Variants in ARMH4 observed in about 807,000 individuals in gnomAD.
ARMH4 encodes armadillo-like helical domain-containing protein 4.
Under a neutral mutation model 61.9 loss-of-function variants are expected in ARMH4, and 49 were observed. The ratio of observed to expected loss-of-function variants is 0.79; its 90% CI spans 0.63 to 1.00. ARMH4 has a LOEUF of 1.00. Ranked by LOEUF, ARMH4 falls within the 50% of genes least tolerant of loss-of-function variation. The pLI, the probability that ARMH4 is intolerant of heterozygous loss-of-function variation, is 0.00. For synonymous variants in ARMH4, 368 were observed against 341.5 expected, an observed-to-expected ratio of 1.08 and a Z score of -0.85; for missense variants, 934 against 930.0, an observed-to-expected ratio of 1.00 and a Z score of -0.06.
At chr14:58,147,316 GTTTT>G (rs33969627) in intron 1 of ARMH4, among the ~76,000 whole-genome samples, 3 of 132,522 alleles carry the variant, frequency 2.3e-5, no homozygotes, top group Non-Finnish European at 4.9e-5. Flanking sequence ...AATCCAGATG[GTTTT>G]TTTTTTTTTT....
intron 5 of ARMH4, among the ~76,000 whole-genome samples, chr14:58,094,212 C>T (rs1885670233): frequency 6.6e-6 from 1 of 151,498 alleles, no homozygotes; most frequent in South Asian, 2.1e-4. Context: ...TACCTGTAGT[C>T]CCAGCTGCTC....
At chr14:58,078,544 T>A (rs1304468470) in intron 5 of ARMH4, among the ~76,000 whole-genome samples, 1 of 152,244 alleles carries the variant, frequency 6.6e-6, no homozygotes, top group Non-Finnish European at 1.5e-5. Context: ...AAAAAATCCC[T>A]ACTTCTGCCC....
At position 58,131,186 on chromosome 14, in the gene ARMH4, A is replaced by G. The variant is rs190285263; in HGVS notation, c.1831+326T>C. ...TGCTATGGCACAAAAGCAGCCACAC[A>G]CATATGAAAATGAATTAGTATGGCT... is the stretch of plus-strand genomic sequence containing the variant. On this transcript the variant is annotated intron_variant, in intron 4 of 7. Coordinates refer to ENST00000267485, the MANE Select transcript of ARMH4 (RefSeq NM_001001872.4). 1.9e-4 allele frequency: 44 copies of G among 232,838 alleles called. 1 individual carries two copies. The highest frequency in any genetic ancestry group is 9.4e-4 in the African/African-American group (41 of 43,684). The allele number at this position is 232,838 out of a possible 1,614,324, so 14.4% of individuals were successfully genotyped here.
chr14:58,133,360 T>C lies in ARMH4; in HGVS notation c.1370-19A>G. The C allele has an allele frequency of 6.5e-7, 1 of 1,539,110 alleles. No homozygotes were observed. The highest frequency in any genetic ancestry group is 1.9e-5 in the Admixed American group (1 of 53,226). On this transcript the variant is annotated intron_variant, in intron 2 of 7. Coordinates refer to ENST00000267485, the MANE Select transcript of ARMH4 (RefSeq NM_001001872.4). ...ATGATGTCTTAAAGGGGGGAAAACA[T>C]TTAAAAATAGACCAAATCCCTATTT...
intron 4 of ARMH4, among the ~76,000 whole-genome samples, chr14:58,107,368 T>C (rs181728463): frequency 2.6e-5 from 4 of 152,356 alleles, no homozygotes; most frequent in South Asian, 2.1e-4. Flanking sequence ...AATGATTAGT[T>C]TGAATCATCA....
rs75298677 is a variant in ARMH4, at chr14:58,097,902, G to A, written c.1832-921C>T. ...TGTCATTTTCAATGCTCCAAGTGGA[G>A]TGGGTTTAAGGAACATATGATTCCC... On this transcript the variant is annotated intron_variant, in intron 4 of 7. Transcript: ENST00000267485. 8.0e-4 allele frequency among the ~76,000 whole-genome samples: 121 copies of A among 152,168 alleles called. No individual in the cohort carries two copies. The East Asian group carries it at 0.023, about 29-fold the overall frequency.
At chr14:58,123,101 C>T (rs181494440) in intron 4 of ARMH4, among the ~76,000 whole-genome samples, 1 of 152,186 alleles carries the variant, frequency 6.6e-6, no homozygotes, top group African/African-American at 2.4e-5. Context: ...CTTCTCCCAG[C>T]CACTAAGTTT....
rs771912072 is a variant in ARMH4 at position 58,139,098 on chromosome 14, A to C, written c.261T>G (p.Asn87Lys). The C allele has an allele frequency of 6.2e-7, 1 of 1,614,230 alleles. No individual in the cohort carries two copies. Among genetic ancestry groups the C allele is most frequent in the Non-Finnish European group, 8.5e-7 (1 of 1,180,032 alleles). Residue 87 changes from asparagine to lysine, a missense_variant, in exon 2 of 8, where the codon AAT becomes AAG. Coordinates refer to ENST00000267485, the MANE Select transcript of ARMH4 (RefSeq NM_001001872.4). ...MSAVPSATSL[N>K]KAFSINKETQ... ...TTTCTTTGTTAATCGAGAATGCTTT[A>C]TTTAATGATGTTGCCGATGGTACTG...
chr14:58,072,440 C>T (rs1228382653), intron 5 of ARMH4, among the ~76,000 whole-genome samples: 1 of 152,052 alleles, frequency 6.6e-6, no homozygotes, highest in Non-Finnish European at 1.5e-5. Context: ...CCTTTTGGGC[C>T]GGGCACGGTG....
At chr14:58,025,188 C>T (rs1285031726) in intron 5 of ARMH4, among the ~76,000 whole-genome samples, 1 of 152,078 alleles carries the variant, frequency 6.6e-6, no homozygotes, top group African/African-American at 2.4e-5. Context: ...TTACAATGAA[C>T]AGAATGAGGC....
intron 5 of ARMH4, among the ~76,000 whole-genome samples, chr14:58,041,468 C>T (rs189226875): frequency 0.013 from 1,991 of 152,246 alleles, 20 homozygotes; most frequent in Non-Finnish European, 0.019. Flanking sequence ...AAGGAACAAC[C>T]GGTACCAGCC....
chr14:58,023,911 T>TC (rs2141152056), intron 5 of ARMH4, among the ~76,000 whole-genome samples: 1 of 152,348 alleles, frequency 6.6e-6, no homozygotes, highest in African/African-American at 2.4e-5. Flanking sequence ...AGTCTTTTTT[T>TC]CTGAGAGTAG....
At chr14:58,095,366 G>T (rs376604307) in intron 5 of ARMH4, among the ~76,000 whole-genome samples, 46 of 151,616 alleles carry the variant, frequency 3.0e-4, no homozygotes, top group African/African-American at 1.0e-3. Context: ...TAACCTGTTC[G>T]GTATAAATTA....
At chr14:58,044,760 A>T (rs1883869302) in intron 5 of ARMH4, among the ~76,000 whole-genome samples, 2 of 152,226 alleles carry the variant, frequency 1.3e-5, no homozygotes, top group African/African-American at 4.8e-5. Flanking sequence ...AACTCAAACA[A>T]ATTTACAAGA....
chr14:58,025,473 T>C (rs371750187), intron 5 of ARMH4, among the ~76,000 whole-genome samples: 36 of 152,292 alleles, frequency 2.4e-4, no homozygotes, highest in African/African-American at 8.2e-4. Flanking sequence ...GAGAAATGCA[T>C]GCTCCATCTA....
At chr14:58,137,820 C>A (rs1219730705) in intron 2 of ARMH4, among the ~76,000 whole-genome samples, 170 bp downstream of exon 2, 1 of 152,032 alleles carries the variant, frequency 6.6e-6, no homozygotes, top group Non-Finnish European at 1.5e-5. Flanking sequence ...CTCCTGCGCC[C>A]AAGCAATCCT....
intron 5 of ARMH4, among the ~76,000 whole-genome samples, chr14:58,046,826 A>T (rs758220360): frequency 2.2e-4 from 34 of 152,196 alleles, no homozygotes; most frequent in Non-Finnish European, 3.8e-4. Flanking sequence ...AGTGCTAACA[A>T]ATTATTTTTA....
intron 4 of ARMH4, among the ~76,000 whole-genome samples, chr14:58,107,722 C>G (rs1379644950): frequency 1.3e-5 from 2 of 148,312 alleles, no homozygotes; most frequent in Non-Finnish European, 3.0e-5. Flanking sequence ...TGAGATTACG[C>G]CATTGCACTC....
intron 5 of ARMH4, among the ~76,000 whole-genome samples, chr14:58,095,798 T>C (rs1340095643): frequency 6.6e-6 from 1 of 152,226 alleles, no homozygotes; most frequent in Non-Finnish European, 1.5e-5. Flanking sequence ...TTCAATGACA[T>C]ATCCCCAAAA....
Sources: gnomAD v4.1 joint callset for allele counts (sites outside exome capture counted in the v4.1 genomes callset) on GRCh38, gnomAD v4.1.1 for gene constraint, MANE v1.5 for transcripts, NCBI Gene and HGNC (gene_info 2026-07-23, HGNC 2026-07-21) for gene names.